The following PUM3 variants were observed in gnomAD, a reference collection of about 807,000 sequenced individuals.
The protein encoded by PUM3 is pumilio RNA binding family member 3, also known as pumilio homolog 3.
PUM3 carries 91 observed loss-of-function variants against 84.0 expected under a neutral mutation model. That is an observed-to-expected ratio of 1.08 (90% CI 0.91 to 1.29). PUM3 has a LOEUF of 1.29. PUM3 is among the 50% of genes most tolerant of loss of function. The pLI is 0.00. For missense variants in PUM3, 1,067 were observed against 767.5 expected (o/e 1.39, Z -4.61); for synonymous variants, 321 against 266.7 (o/e 1.20, Z -1.98).
chr9:2,825,325 A>G lies in PUM3; in HGVS notation c.1036-510T>C, dbSNP rs375006050. On this transcript the variant is annotated intron_variant, in intron 10 of 17. Transcript: ENST00000397885. ...CACATTCTTTACCATAAACACGCTT[A>G]CATAACATTTCCTCATGAAAAATTT... Among the ~76,000 whole-genome samples the G allele has an allele frequency of 2.3e-4, 35 of 152,316 alleles. No individual in the cohort carries two copies. The East Asian group carries it at 6.0e-3, about 26-fold the overall frequency.
intron 17 of PUM3, among the ~76,000 whole-genome samples, chr9:2,806,653 A>T (rs1181054592): frequency 6.6e-6 from 1 of 152,186 alleles, no homozygotes; most frequent in East Asian, 1.9e-4. Context: ...TGCACAGAGA[A>T]TGTATGGAAA....
At chr9:2,827,483 G>C (rs905189399) in intron 9 of PUM3, among the ~76,000 whole-genome samples, 3 of 152,180 alleles carry the variant, frequency 2.0e-5, no homozygotes, top group African/African-American at 7.2e-5. Flanking sequence ...ATAATGATTA[G>C]AAATCCACAT....
chr9:2,806,475 A>G (rs1231925006), intron 17 of PUM3, among the ~76,000 whole-genome samples: 1 of 146,950 alleles, frequency 6.8e-6, no homozygotes, highest in Non-Finnish European at 1.5e-5. Flanking sequence ...AACATAGATT[A>G]AGTTGCATAG....
chr9:2,835,824 CCA>C (rs1816105753), intron 3 of PUM3, among the ~76,000 whole-genome samples: 1 of 152,114 alleles, frequency 6.6e-6, no homozygotes, highest in African/African-American at 2.4e-5. Context: ...AAAATGAAAT[CCA>C]GAGTCCCATT....
At chr9:2,833,330 T>C (rs566801290) in intron 5 of PUM3, 27 bp downstream of exon 5, 14 of 1,288,172 alleles carry the variant, frequency 1.1e-5, no homozygotes, top group Admixed American at 7.4e-5. Flanking sequence ...CTGTTAAAAA[T>C]TGCAACAATG....
At chr9:2,839,733 T>C (rs1816218151) in intron 1 of PUM3, among the ~76,000 whole-genome samples, 3 of 152,372 alleles carry the variant, frequency 2.0e-5, no homozygotes, top group South Asian at 4.1e-4. Context: ...ACATTATTAC[T>C]TGGCTATGGC....
chr9:2,831,077 T>C, intron 6 of PUM3, 49 bp from the exon 7 acceptor site: 1 of 1,096,834 alleles, frequency 9.1e-7, no homozygotes, highest in Non-Finnish European at 1.4e-6. Flanking sequence ...ATTTCAGTTC[T>C]CTGGAAACAA....
At chr9:2,825,913 G>C (rs1348950067) in intron 10 of PUM3, among the ~76,000 whole-genome samples, 1 of 152,288 alleles carries the variant, frequency 6.6e-6, no homozygotes, top group Admixed American at 6.5e-5. Flanking sequence ...CCACGAAAGA[G>C]AGGGTAGGTG....
Position 2,820,111 on chromosome 9 carries a change from G to A in PUM3, c.1189-13C>T. 6.3e-7 allele frequency: 1 copy of A among 1,582,418 alleles called. No individual in the cohort carries two copies. Among genetic ancestry groups the A allele is most frequent in the Non-Finnish European group, 8.7e-7 (1 of 1,154,742 alleles). On this transcript the variant is annotated splice_polypyrimidine_tract_variant and intron_variant, in intron 12 of 17. Transcript: ENST00000397885. ...GGGAGTATTGGCCCTGCAAGAATTGGAAGCCAGCAAAGGTTAAAAACAAGT... is the reference window on the plus strand; with the variant it reads ...GGGAGTATTGGCCCTGCAAGAATTGAAAGCCAGCAAAGGTTAAAAACAAGT...
chr9:2,811,242 G>T (rs1344916904), intron 15 of PUM3, 119 bp downstream of exon 15: 1 of 748,008 alleles, frequency 1.3e-6, no homozygotes, highest in Non-Finnish European at 2.3e-6. Flanking sequence ...AGAGGTTCTT[G>T]GTTGTTTATT....
intron 3 of PUM3, 80 bp downstream of exon 3, chr9:2,837,100 T>G: frequency 8.5e-7 from 1 of 1,179,896 alleles, no homozygotes; most frequent in South Asian, 1.3e-5. Context: ...AATAAGAATG[T>G]GAGGTTTCTA....
chr9:2,817,550 T>A (rs185288686), intron 13 of PUM3, among the ~76,000 whole-genome samples: 1 of 152,158 alleles, frequency 6.6e-6, no homozygotes, highest in Non-Finnish European at 1.5e-5. Flanking sequence ...AAAATACATG[T>A]AAGACATCAT....
intron 5 of PUM3, among the ~76,000 whole-genome samples, chr9:2,832,464 T>C (rs970890281): frequency 2.0e-5 from 3 of 152,144 alleles, no homozygotes; most frequent in Non-Finnish European, 2.9e-5. Flanking sequence ...GTTAACACAA[T>C]TCCTAGCCTA....
At chr9:2,814,214 A>ATTTT (rs372676174) in intron 13 of PUM3, among the ~76,000 whole-genome samples, 1 of 118,976 alleles carries the variant, frequency 8.4e-6, no homozygotes, top group African/African-American at 4.5e-5. Context: ...AACTCCAACT[A>ATTTT]TTTTTTTTTT....
At chr9:2,836,730 T>A (rs1281856960) in intron 3 of PUM3, among the ~76,000 whole-genome samples, 2 of 152,116 alleles carry the variant, frequency 1.3e-5, no homozygotes, top group Non-Finnish European at 2.9e-5. Flanking sequence ...GACACTTAGC[T>A]GGGGACAGAC....
At position 2,820,047 on chromosome 9, in the gene PUM3, TATC is replaced by T. The variant is rs753289635; in HGVS notation, c.1237_1239del (p.Asp413del). 51 of 1,611,964 alleles carry T rather than the reference TATC, an allele frequency of 3.2e-5. No homozygotes were observed. The highest frequency in any genetic ancestry group is 4.2e-5 in the Non-Finnish European group (50 of 1,178,402). ...ATGATTATCTGCTTCACAAGCTTAG[TATC>T]ATCAATACAATCAAATGCCGCCAGT... On this transcript the variant is annotated inframe_deletion, in exon 13 of 18. Coordinates refer to ENST00000397885, the MANE Select transcript of PUM3 (RefSeq NM_014878.5).
chr9:2,819,738 T>G (rs1414770122), intron 13 of PUM3, among the ~76,000 whole-genome samples: 2 of 152,236 alleles, frequency 1.3e-5, no homozygotes, highest in African/African-American at 2.4e-5. Flanking sequence ...TCACGTATGT[T>G]CTAAAGTACC....
At chr9:2,824,044 A>ATAGGGATAGGGTTAGGGT (rs1815740823) in intron 11 of PUM3, among the ~76,000 whole-genome samples, 1 of 151,426 alleles carries the variant, frequency 6.6e-6, no homozygotes, top group Non-Finnish European at 1.5e-5. Flanking sequence ...TGTGTATGTG[A>ATAGGGATAGGGTTAGGGT]TAGGGTTAGG....
chr9:2,828,952 C>A (rs1815899799), intron 8 of PUM3, among the ~76,000 whole-genome samples, 174 bp from the exon 9 acceptor site: 1 of 152,186 alleles, frequency 6.6e-6, no homozygotes, highest in Non-Finnish European at 1.5e-5. Flanking sequence ...TTAGCTGATT[C>A]TCAGTCTGTG....
Sources: allele counts gnomAD v4.1 joint callset (sites outside exome capture counted in the v4.1 genomes callset), GRCh38; gene constraint gnomAD v4.1.1; transcripts MANE v1.5; gene names NCBI Gene and HGNC (gene_info 2026-07-23, HGNC 2026-07-21).